The following APBA1 variants were observed in gnomAD, a reference collection of about 807,000 sequenced individuals.
APBA1 encodes amyloid beta precursor protein binding family A member 1.
APBA1 carries 55 observed loss-of-function variants against 86.6 expected under a neutral mutation model. The observed-to-expected ratio is 0.64, with a 90% CI of 0.51 to 0.80. The LOEUF (loss-of-function observed/expected upper bound fraction) is 0.80. APBA1 is among the 30% of genes least tolerant of loss of function. The pLI is 0.00. For synonymous variants in APBA1, 511 were observed against 493.9 expected (o/e 1.03, Z -0.46); for missense variants, 1,090 against 1,183.0 (o/e 0.92, Z 1.15).
chr9:69,531,825 G>C (rs1050942686), intron 1 of APBA1, among the ~76,000 whole-genome samples: 2 of 152,206 alleles, frequency 1.3e-5, no homozygotes, highest in African/African-American at 4.8e-5. Flanking sequence ...AGGCAGGAAA[G>C]CATAGTGGTT....
At chr9:69,540,001 T>A (rs1836577616) in intron 1 of APBA1, among the ~76,000 whole-genome samples, 1 of 152,034 alleles carries the variant, frequency 6.6e-6, no homozygotes, top group Non-Finnish European at 1.5e-5. Flanking sequence ...GTGCCTGTAA[T>A]CCCAGCTACT....
chr9:69,582,393 G>GA (rs745399340), intron 1 of APBA1, among the ~76,000 whole-genome samples: 1 of 152,106 alleles, frequency 6.6e-6, no homozygotes, highest in Non-Finnish European at 1.5e-5. Context: ...TCTCCACCCT[G>GA]GACAATTAGA....
intron 1 of APBA1, among the ~76,000 whole-genome samples, chr9:69,604,460 G>A (rs1822423924): frequency 6.7e-6 from 1 of 149,906 alleles, no homozygotes. Flanking sequence ...ATGAGTGCGG[G>A]CACACATGCA....
At chr9:69,607,453 G>A (rs750023428) in intron 1 of APBA1, among the ~76,000 whole-genome samples, 23 of 152,050 alleles carry the variant, frequency 1.5e-4, no homozygotes, top group Non-Finnish European at 2.6e-4. Context: ...AATTCAATAC[G>A]AGATTTGGGC....
intron 2 of APBA1, among the ~76,000 whole-genome samples, chr9:69,493,971 TATG>T (rs774162314): frequency 5.9e-5 from 9 of 152,112 alleles, no homozygotes; most frequent in Non-Finnish European, 8.8e-5. Context: ...ACCCCAAATA[TATG>T]ATAAGTTTTT....
chr9:69,654,957 G>A (rs543399872), intron 1 of APBA1, among the ~76,000 whole-genome samples: 57 of 152,240 alleles, frequency 3.7e-4, no homozygotes, highest in Non-Finnish European at 6.8e-4. Context: ...GGTAAAAACC[G>A]TATGATCATT....
intron 1 of APBA1, among the ~76,000 whole-genome samples, chr9:69,651,451 C>T (rs1823499011): frequency 6.6e-6 from 1 of 151,972 alleles, no homozygotes; most frequent in Non-Finnish European, 1.5e-5. Context: ...ATCTTCCCGA[C>T]CAGTAATTTA....
rs1386598059 is a variant in APBA1, at chr9:69,476,127, C to G, written c.1217G>C (p.Ser406Thr). The G allele has an allele frequency of 6.2e-7, 1 of 1,613,648 alleles. No individual in the cohort carries two copies. The highest frequency in any genetic ancestry group is 1.7e-5 in the Admixed American group (1 of 59,990). The change falls in exon 3 of 13, where the codon AGC (serine) becomes ACC (threonine). Residue 406 changes from serine (S) to threonine (T), a missense_variant. Physicochemically the swap from Ser to Thr is moderately conservative, Grantham distance 58 (BLOSUM62 1). Transcript: ENST00000265381. ...PMDGDSPSPG[S>T]SSPLGAESSS... ...TGACTCTGCACCCAAGGGGGAGGAG[C>G]TGCCAGGAGACGGAGACTAGAACAC... is the stretch of plus-strand genomic sequence containing the variant.
chr9:69,498,152 CA>C (rs911347281), intron 2 of APBA1, among the ~76,000 whole-genome samples: 2 of 152,062 alleles, frequency 1.3e-5, no homozygotes, highest in African/African-American at 4.8e-5. Context: ...GACTGGGTTA[CA>C]AAAAACCATG....
intron 5 of APBA1, chr9:69,463,795 A>G (rs1289937346): frequency 6.6e-6 from 1 of 152,190 alleles, no homozygotes; most frequent in Non-Finnish European, 1.5e-5. Context: ...AACTACCCCC[A>G]CCTTTGTTTA....
chr9:69,665,472 A>G (rs1353541418), intron 1 of APBA1, among the ~76,000 whole-genome samples: 1 of 152,218 alleles, frequency 6.6e-6, no homozygotes, highest in Non-Finnish European at 1.5e-5. Context: ...ATCAAGGTAA[A>G]CGAGCTTTAC....
At chr9:69,555,001 T>G (rs1261880710) in intron 1 of APBA1, among the ~76,000 whole-genome samples, 1 of 152,170 alleles carries the variant, frequency 6.6e-6, no homozygotes, top group Admixed American at 6.6e-5. Context: ...AACTGATGAT[T>G]CCTACGTCCC....
At chr9:69,506,002 G>C (rs1284303555) in intron 2 of APBA1, among the ~76,000 whole-genome samples, 1 of 150,818 alleles carries the variant, frequency 6.6e-6, no homozygotes, top group Non-Finnish European at 1.5e-5. Context: ...CTGGGCAACA[G>C]AGCAAGACTC....
intron 12 of APBA1, 79 bp from the exon 13 acceptor site, chr9:69,431,477 G>C: frequency 7.9e-7 from 1 of 1,272,136 alleles, no homozygotes; most frequent in Middle Eastern, 1.9e-4. Context: ...GCTGGCCAGA[G>C]AGGCAGTGCC....
At chr9:69,451,234 C>CT (rs1835003693) in intron 9 of APBA1, among the ~76,000 whole-genome samples, 1 of 152,210 alleles carries the variant, frequency 6.6e-6, no homozygotes, top group African/African-American at 2.4e-5. Flanking sequence ...CACACCCTTA[C>CT]TTGGTGTCCC....
chr9:69,558,478 G>C (rs921758313), intron 1 of APBA1, among the ~76,000 whole-genome samples: 2 of 151,406 alleles, frequency 1.3e-5, no homozygotes, highest in African/African-American at 4.9e-5. Context: ...TGATATGAAA[G>C]TTAGACATCA....
intron 2 of APBA1, among the ~76,000 whole-genome samples, chr9:69,512,700 T>A (rs560060111): frequency 2.0e-5 from 3 of 152,146 alleles, no homozygotes; most frequent in Admixed American, 2.0e-4. Context: ...AAATCAGTAG[T>A]TCTCAATCTT....
intron 1 of APBA1, among the ~76,000 whole-genome samples, chr9:69,610,733 G>T (rs1326322009): frequency 6.6e-6 from 1 of 152,056 alleles, no homozygotes; most frequent in Non-Finnish European, 1.5e-5. Context: ...GAAATTATCA[G>T]ATTTTCTTTG....
At chr9:69,541,925 ATG>A (rs977543896) in intron 1 of APBA1, among the ~76,000 whole-genome samples, 67 of 152,076 alleles carry the variant, frequency 4.4e-4, no homozygotes, top group African/African-American at 1.5e-3. Flanking sequence ...TCAATTCAGC[ATG>A]TGTTTGGGAC....
Sources: gnomAD v4.1 joint callset for allele counts (sites outside exome capture counted in the v4.1 genomes callset) on GRCh38, gnomAD v4.1.1 for gene constraint, MANE v1.5 for transcripts, NCBI Gene and HGNC (gene_info 2026-07-23, HGNC 2026-07-21) for gene names.